The following OR5H14 variants were observed in gnomAD, a reference collection of about 807,000 sequenced individuals.
The protein encoded by OR5H14 is olfactory receptor 5H14.
For synonymous variants in OR5H14, 155 were observed against 130.6 expected, an observed-to-expected ratio of 1.19 and a Z score of -1.28; for missense variants, 392 against 363.9, an observed-to-expected ratio of 1.08 and a Z score of -0.63.
In OR5H14 at chr3:98,149,555, T is replaced by A. The variant is rs1251534006; in HGVS notation, c.170T>A (p.Ile57Asn). ...ATCTGGAAAGACCCTCATCTTCATA[T>A]CCCAATGTACTTACTCCTTGGGAAT... ...AVIWKDPHLH[I>N]PMYLLLGNLA... Residue 57 changes from isoleucine to asparagine, a missense_variant, in exon 2 of 2, where the codon ATC (isoleucine) becomes AAC (asparagine). Physicochemically the swap from Ile to Asn is moderately radical, Grantham distance 149. Coordinates refer to ENST00000641380, the MANE Select transcript of OR5H14 (RefSeq NM_001005514.2). The A allele has an allele frequency of 1.9e-6, 3 of 1,613,416 alleles. No individual in the cohort carries two copies. The African/African-American group carries it at 4.0e-5, about 22-fold the overall frequency.
rs1468599593 is a variant in OR5H14 at position 98,155,979 on chromosome 3, A to G, written c.*5661A>G. 6.6e-6 allele frequency: 1 copy of G among 152,216 alleles called. No homozygotes were observed. The highest frequency in any genetic ancestry group is 1.5e-5 in the Non-Finnish European group (1 of 68,032). The allele number at this position is 152,216 out of a possible 1,614,324, so 9.4% of individuals were successfully genotyped here. The stretch of plus-strand genomic sequence containing the variant: ...ATACACATCTAAATCCACAATGCCC[A>G]GTTGAAGATCTTCACTTTGTCCTAC... On this transcript the variant is annotated 3_prime_UTR_variant, in exon 2 of 2. Transcript: ENST00000641380.
rs892522335 is a variant in OR5H14 at position 98,153,453 on chromosome 3, G to A, written c.*3135G>A. On this transcript the variant is annotated 3_prime_UTR_variant, in exon 2 of 2. Transcript: ENST00000641380. The stretch of plus-strand genomic sequence containing the variant: ...AAAAAATTAGCCGGGCGTGGTGGCA[G>A]GTGCCTGTGATCCCAGCTACTTATG... 4.6e-5 allele frequency: 7 copies of A among 152,108 alleles called. No homozygotes were observed. The highest frequency in any genetic ancestry group is 1.7e-4 in the African/African-American group (7 of 41,408). 9.4% of individuals were successfully genotyped at this position (152,108 alleles called of 1,614,324 possible).
Position 98,150,074 on chromosome 3 carries a change from C to T in OR5H14, c.689C>T (p.Ser230Phe). The T allele has an allele frequency of 6.2e-7, 1 of 1,611,012 alleles. No individual in the cohort carries two copies. The change falls in exon 2 of 2, where the codon TCT (serine) becomes TTT (phenylalanine). Residue 230 changes from serine (S) to phenylalanine (F), a missense_variant. Coordinates refer to ENST00000641380, the MANE Select transcript of OR5H14 (RefSeq NM_001005514.2). ...CTCTATACAATCTTGAAAAAGAAGT[C>T]TGTCAAAGGTATGAGAAAAGCCTTC... ...FVLYTILKKK[S>F]VKGMRKAFST...
chr3:98,150,179 C>G lies in OR5H14; in HGVS notation c.794C>G (p.Pro265Arg). ...LAFMYMGSAS[P>R]QADDQDMMES... ...TTCATGTATATGGGCTCTGCATCCC[C>G]ACAGGCTGATGACCAAGATATGATG... The change falls in exon 2 of 2, where the codon CCA becomes CGA. Residue 265 changes from proline to arginine, a missense_variant. By Grantham distance (103) the Pro-to-Arg change is moderately radical. Coordinates refer to ENST00000641380, the MANE Select transcript of OR5H14 (RefSeq NM_001005514.2). 1 of 1,612,726 alleles carries G rather than the reference C, an allele frequency of 6.2e-7. No homozygotes were observed. Among genetic ancestry groups the G allele is most frequent in the Non-Finnish European group, 8.5e-7 (1 of 1,179,532 alleles).
At position 98,149,559 on chromosome 3, in the gene OR5H14, A is replaced by G; in HGVS notation, c.174A>G (p.Pro58=). The G allele has an allele frequency of 1.2e-6, 2 of 1,613,484 alleles. No homozygotes were observed. The highest frequency in any genetic ancestry group is 1.7e-6 in the Non-Finnish European group (2 of 1,179,598). Residue 58 remains proline (P), a synonymous_variant, in exon 2 of 2, where the codon CCA becomes CCG. Transcript: ENST00000641380. ...GGAAAGACCCTCATCTTCATATCCC[A>G]ATGTACTTACTCCTTGGGAATTTAG... ...VIWKDPHLHI[P]MYLLLGNLAF...
rs1708463556 is a variant in OR5H14, at chr3:98,149,281, G to T, written c.-18-87G>T. 3.7e-6 allele frequency: 5 copies of T among 1,363,862 alleles called. No homozygotes were observed. The Middle Eastern group carries it at 7.9e-4, about 216-fold the overall frequency. 84.5% of individuals were successfully genotyped at this position (1,363,862 alleles called of 1,614,324 possible). ...TCAAAAAATTGAGTCTCTGATAATTGCACACTTTATATCAACACCTCTTTC... is the reference window on the plus strand; with the variant it reads ...TCAAAAAATTGAGTCTCTGATAATTTCACACTTTATATCAACACCTCTTTC... On this transcript the variant is annotated intron_variant, in intron 1 of 1. Coordinates refer to ENST00000641380, the MANE Select transcript of OR5H14 (RefSeq NM_001005514.2).
rs1454088182 is a variant in OR5H14 at position 98,154,742 on chromosome 3, C to A, written c.*4424C>A. 1 of 152,194 alleles carries A rather than the reference C, an allele frequency of 6.6e-6. No homozygotes were observed. Among genetic ancestry groups the A allele is most frequent in the East Asian group, 1.9e-4 (1 of 5,206 alleles). The allele number at this position is 152,194 out of a possible 1,614,324, so 9.4% of individuals were successfully genotyped here. On this transcript the variant is annotated 3_prime_UTR_variant, in exon 2 of 2. Transcript: ENST00000641380. Reference sequence around the variant, plus strand: ...GACAGTGAATCTGAAATAAGAAAATCAGGCAGTGCTTCTAATCTCCAAGCT... The same window carrying A: ...GACAGTGAATCTGAAATAAGAAAATAAGGCAGTGCTTCTAATCTCCAAGCT...
In OR5H14 at chr3:98,149,486, T is replaced by C. The variant is rs1708467985; in HGVS notation, c.101T>C (p.Ile34Thr). 2 of 1,613,394 alleles carry C rather than the reference T, an allele frequency of 1.2e-6. No individual in the cohort carries two copies. Among genetic ancestry groups the C allele is most frequent in the Non-Finnish European group, 1.7e-6 (2 of 1,179,580 alleles). ...KIPLFLAFLV[I>T]YLITIMGNLG... is the part of the protein sequence containing the mutation. The stretch of plus-strand genomic sequence containing the variant: ...CCCCTGTTCCTGGCATTCTTGGTAA[T>C]ATATCTCATCACCATCATGGGGAAT... Residue 34 changes from isoleucine (I) to threonine (T), a missense_variant, in exon 2 of 2, where the codon ATA becomes ACA. Transcript: ENST00000641380.
rs200736644 is a variant in OR5H14, at chr3:98,149,633, T to A, written c.248T>A (p.Ile83Asn). 2.3e-4 allele frequency: 375 copies of A among 1,613,584 alleles called. 1 individual carries two copies. In the Admixed American group the frequency reaches 2.5e-3, roughly 11 times the overall value. ...LSSSVTLKMLINFLAKSKMIS... is the reference protein window; with the variant it reads ...LSSSVTLKMLNNFLAKSKMIS... ...TCCTCAGTGACTCTGAAGATGCTGA[T>A]CAACTTCTTAGCTAAGAGTAAGATG... is the stretch of plus-strand genomic sequence containing the variant. The change falls in exon 2 of 2, where the codon ATC becomes AAC. Residue 83 changes from isoleucine (I) to asparagine (N), a missense_variant. Ile to Asn is a moderately radical substitution (Grantham distance 149). Transcript: ENST00000641380.
intron 1 of OR5H14, among the ~76,000 whole-genome samples, chr3:98,148,919 C>G (rs566770717): frequency 1.4e-3 from 219 of 151,996 alleles, no homozygotes; most frequent in African/African-American, 5.1e-3. Flanking sequence ...CATCCCGCAG[C>G]ATATTTTCTA....
In OR5H14 at chr3:98,154,815, T is replaced by G. The variant is rs1708562642; in HGVS notation, c.*4497T>G. 6.6e-6 allele frequency: 1 copy of G among 151,988 alleles called. No individual in the cohort carries two copies. Among genetic ancestry groups the G allele is most frequent in the South Asian group, 2.1e-4 (1 of 4,818 alleles). 9.4% of individuals were successfully genotyped at this position (151,988 alleles called of 1,614,324 possible). A position where few individuals can be genotyped will look rare whatever the true frequency, so the allele number is the denominator to read the frequency against. ...AGGTCCAACTACCTCTGGGAGGAAT[T>G]TATAGTTTGATTTTGAAACAAAGAT... On this transcript the variant is annotated 3_prime_UTR_variant, in exon 2 of 2. Transcript: ENST00000641380.
Position 98,156,455 on chromosome 3 carries a change from C to T in OR5H14, c.*6137C>T, listed in dbSNP as rs1366616682. ...GGTTAAAATCTTGACAAGCAAAATACCTATAAAATAAGTTTTTAATGATAA... is the reference window on the plus strand; with the variant it reads ...GGTTAAAATCTTGACAAGCAAAATATCTATAAAATAAGTTTTTAATGATAA... On this transcript the variant is annotated 3_prime_UTR_variant, in exon 2 of 2. Transcript: ENST00000641380. 1 of 152,034 alleles carries T rather than the reference C, an allele frequency of 6.6e-6. No homozygotes were observed. Among genetic ancestry groups the T allele is most frequent in the Non-Finnish European group, 1.5e-5 (1 of 67,968 alleles). The allele number at this position is 152,034 out of a possible 1,614,324, so 9.4% of individuals were successfully genotyped here. A position where few individuals can be genotyped will look rare whatever the true frequency, so the allele number is the denominator to read the frequency against.
intron 1 of OR5H14, among the ~76,000 whole-genome samples, chr3:98,148,950 A>AAT (rs144295217): frequency 0.029 from 4,477 of 152,122 alleles, 206 homozygotes; most frequent in African/African-American, 0.097. Flanking sequence ...AATTTTAAAA[A>AAT]ATGTTATGAT....
chr3:98,148,934 A>G (rs908980145), intron 1 of OR5H14, among the ~76,000 whole-genome samples: 12 of 151,636 alleles, frequency 7.9e-5, no homozygotes, highest in African/African-American at 2.7e-4. Context: ...TTTCTACACT[A>G]TCAAAAATTT....
rs1708471663 is a variant in OR5H14 at position 98,149,657 on chromosome 3, T to A, written c.272T>A (p.Met91Lys). 2 of 1,613,476 alleles carry A rather than the reference T, an allele frequency of 1.2e-6. No homozygotes were observed. The highest frequency in any genetic ancestry group is 1.7e-6 in the Non-Finnish European group (2 of 1,179,616). The stretch of plus-strand genomic sequence containing the variant: ...ATCAACTTCTTAGCTAAGAGTAAGA[T>A]GATATCTCTCTCTGAATGCAAGATA... ...MLINFLAKSK[M>K]ISLSECKIQL... is the part of the protein sequence containing the mutation. The change falls in exon 2 of 2, where the codon ATG (methionine) becomes AAG (lysine). Residue 91 changes from methionine to lysine, a missense_variant. Physicochemically the swap from Met to Lys is moderately conservative, Grantham distance 95 (BLOSUM62 -1). Coordinates refer to ENST00000641380, the MANE Select transcript of OR5H14 (RefSeq NM_001005514.2).
rs796938785 is a variant in OR5H14, at chr3:98,155,509, T to C, written c.*5191T>C. On this transcript the variant is annotated 3_prime_UTR_variant, in exon 2 of 2. Coordinates refer to ENST00000641380, the MANE Select transcript of OR5H14 (RefSeq NM_001005514.2). ...ATAGAATGCCATTATGAAGTTATAGTGACAGCACCAACTAGGTGGCAAGGC... is the reference window on the plus strand; with the variant it reads ...ATAGAATGCCATTATGAAGTTATAGCGACAGCACCAACTAGGTGGCAAGGC... The C allele has an allele frequency of 0.17, 24,940 of 146,140 alleles. No homozygotes were observed. The highest frequency in any genetic ancestry group is 0.36 in the East Asian group (1,764 of 4,856). The allele number at this position is 146,140 out of a possible 1,614,324, so 9.1% of individuals were successfully genotyped here. A position where few individuals can be genotyped will look rare whatever the true frequency, so the allele number is the denominator to read the frequency against.
At position 98,151,649 on chromosome 3, in the gene OR5H14, T is replaced by C. The variant is rs990729547; in HGVS notation, c.*1331T>C. On this transcript the variant is annotated 3_prime_UTR_variant, in exon 2 of 2. Transcript: ENST00000641380. ...CGTACATGTGTTTTAGGTGTCAATA[T>C]CTATGTATACATACACTTATGTATA... 6.6e-6 allele frequency: 1 copy of C among 152,286 alleles called. No homozygotes were observed. The highest frequency in any genetic ancestry group is 2.1e-4 in the South Asian group (1 of 4,826). The allele number at this position is 152,286 out of a possible 1,614,324, so 9.4% of individuals were successfully genotyped here.
Position 98,149,839 on chromosome 3 carries a change from G to A in OR5H14, c.454G>A (p.Gly152Ser). The A allele has an allele frequency of 6.3e-7, 1 of 1,595,296 alleles. No homozygotes were observed. Among genetic ancestry groups the A allele is most frequent in the Non-Finnish European group, 8.6e-7 (1 of 1,165,648 alleles). ...GCTATTAATCTTGTCATATGTAGGTGGTCTTCTTCATGCTTTAATCCATGA... is the reference window on the plus strand; with the variant it reads ...GCTATTAATCTTGTCATATGTAGGTAGTCTTCTTCATGCTTTAATCCATGA... ...IRLLILSYVGGLLHALIHEGF... is the reference protein window; with the variant it reads ...IRLLILSYVGSLLHALIHEGF... Residue 152 changes from glycine (G) to serine (S), a missense_variant, in exon 2 of 2, where the codon GGT becomes AGT. By Grantham distance (56) the Gly-to-Ser change is moderately conservative. Transcript: ENST00000641380.
Position 98,149,580 on chromosome 3 carries a change from T to C in OR5H14, c.195T>C (p.Asn65=). ...TCCCAATGTACTTACTCCTTGGGAA[T>C]TTAGCTTTTGTGGATGCTTTGTTAT... The part of the protein sequence containing the change: ...LHIPMYLLLG[N]LAFVDALLSS... The change falls in exon 2 of 2, where the codon AAT becomes AAC. Residue 65 remains asparagine (N), a synonymous_variant. Transcript: ENST00000641380. The C allele has an allele frequency of 6.2e-7, 1 of 1,613,598 alleles. No homozygotes were observed. The highest frequency in any genetic ancestry group is 8.5e-7 in the Non-Finnish European group (1 of 1,179,602).
Sources: allele counts gnomAD v4.1 joint callset (sites outside exome capture counted in the v4.1 genomes callset), GRCh38; gene constraint gnomAD v4.1.1; transcripts MANE v1.5; gene names NCBI Gene and HGNC (gene_info 2026-07-23, HGNC 2026-07-21).